The following PCDH11Y variants were observed in gnomAD, a reference collection of about 807,000 sequenced individuals.
PCDH11Y encodes protocadherin-11 Y-linked.
For synonymous variants in PCDH11Y, 9 were observed against 83.6 expected (o/e 0.11, Z 4.87); for missense variants, 12 against 224.8 (o/e 0.05, Z 6.05).
chrY:5,238,672 C>T (rs2052982696), intron 2 of PCDH11Y, among the ~76,000 whole-genome samples: 1 of 32,414 alleles, frequency 3.1e-5, no homozygotes, highest in Non-Finnish European at 7.5e-5. Context: ...GCAATCTACT[C>T]ATCTGACAAA....
chrY:5,460,848 G>A (rs2053302493), intron 2 of PCDH11Y, among the ~76,000 whole-genome samples: 1 of 32,851 alleles, frequency 3.0e-5, no homozygotes, highest in African/African-American at 1.2e-4. Flanking sequence ...CTAGTCAAAC[G>A]GGCCTATCCT....
At chrY:5,538,023 A>C (rs1177749473) in intron 3 of PCDH11Y, among the ~76,000 whole-genome samples, 1 of 33,567 alleles carries the variant, frequency 3.0e-5, no homozygotes, top group Non-Finnish European at 7.4e-5. Context: ...GTTTATGAGC[A>C]CAGAGGAGGT....
intron 2 of PCDH11Y, among the ~76,000 whole-genome samples, chrY:5,343,455 G>T (rs1437775193): frequency 3.2e-5 from 1 of 31,001 alleles, no homozygotes; most frequent in Non-Finnish European, 7.8e-5. Flanking sequence ...GGGTTTCACC[G>T]TGTTATCCAG....
At chrY:5,688,952 C>A in intron 4 of PCDH11Y, among the ~76,000 whole-genome samples, 1 of 31,579 alleles carries the variant, frequency 3.2e-5, no homozygotes, top group African/African-American at 1.3e-4. Context: ...GTAATCCCAG[C>A]ACTTGGGGAG....
intron 3 of PCDH11Y, among the ~76,000 whole-genome samples, chrY:5,035,353 G>T (rs2124622149): frequency 3.5e-5 from 1 of 28,668 alleles, no homozygotes; most frequent in South Asian, 8.1e-4. Context: ...AAATTATGAA[G>T]GTGCAATGTT....
chrY:5,078,208 T>C, intron 1 of PCDH11Y, among the ~76,000 whole-genome samples: 2 of 33,197 alleles, frequency 6.0e-5, no homozygotes, highest in South Asian at 1.4e-3. Context: ...TCATTTCTTT[T>C]TGTGGCTGCA....
exon 2 of PCDH11Y, chrY:5,099,650 T>C: frequency 2.5e-6 from 1 of 393,451 alleles, no homozygotes; most frequent in African/African-American, 6.7e-5. Flanking sequence ...AGTGCCAAAG[T>C]AACCATAAAT....
At chrY:5,085,999 AC>A (rs2052729678) in intron 1 of PCDH11Y, among the ~76,000 whole-genome samples, 1 of 22,173 alleles carries the variant, frequency 4.5e-5, no homozygotes, top group Non-Finnish European at 1.0e-4. Flanking sequence ...AAAACTTTCT[AC>A]CCCTATCTCT....
chrY:5,072,462 T>C, intron 1 of PCDH11Y, among the ~76,000 whole-genome samples: 1 of 31,090 alleles, frequency 3.2e-5, no homozygotes, highest in Non-Finnish European at 7.8e-5. Flanking sequence ...GATTACAAAG[T>C]AGTGATAATT....
chrY:5,651,163 C>CAAAGGG (rs2053531177), intron 4 of PCDH11Y, among the ~76,000 whole-genome samples: 1 of 32,556 alleles, frequency 3.1e-5, no homozygotes, highest in Non-Finnish European at 7.6e-5. Flanking sequence ...AACACAGAGC[C>CAAAGGG]ACCTCAATAC....
At chrY:5,685,488 T>G in intron 4 of PCDH11Y, among the ~76,000 whole-genome samples, 1 of 30,525 alleles carries the variant, frequency 3.3e-5, no homozygotes, top group African/African-American at 1.3e-4. Context: ...GATGATCAAG[T>G]GAAATACATT....
At chrY:5,062,576 T>C in intron 1 of PCDH11Y, among the ~76,000 whole-genome samples, 1 of 33,257 alleles carries the variant, frequency 3.0e-5, no homozygotes, top group Admixed American at 2.8e-4. Context: ...TAAATGAATC[T>C]TTATTAATGC....
intron 2 of PCDH11Y, among the ~76,000 whole-genome samples, chrY:5,224,493 C>T (rs2124652918): frequency 3.2e-5 from 1 of 31,338 alleles, no homozygotes; most frequent in South Asian, 7.4e-4. Context: ...GGAAATATAA[C>T]ATTGGCTTTC....
intron 2 of PCDH11Y, among the ~76,000 whole-genome samples, chrY:5,208,810 A>G (rs2052935205): frequency 3.0e-5 from 1 of 33,245 alleles, no homozygotes; most frequent in South Asian, 6.7e-4. Context: ...TTTTTAATAA[A>G]TATTCTGCTA....
intron 1 of PCDH11Y, among the ~76,000 whole-genome samples, chrY:5,013,221 A>C: frequency 3.0e-5 from 1 of 33,570 alleles, no homozygotes; most frequent in Non-Finnish European, 7.4e-5. Context: ...ATACATGCCA[A>C]AAATCAGACT....
chrY:5,287,061 AG>A (rs2053061124), intron 2 of PCDH11Y, among the ~76,000 whole-genome samples: 1 of 33,137 alleles, frequency 3.0e-5, no homozygotes, highest in Non-Finnish European at 7.4e-5. Flanking sequence ...TACTATTTTG[AG>A]GTATGCTCCT....
At chrY:5,069,772 T>C in intron 1 of PCDH11Y, among the ~76,000 whole-genome samples, 1 of 32,367 alleles carries the variant, frequency 3.1e-5, no homozygotes, top group Non-Finnish European at 7.5e-5. Context: ...GCACATTCTT[T>C]ATGACTTTAT....
At chrY:5,350,596 C>A in intron 2 of PCDH11Y, among the ~76,000 whole-genome samples, 1 of 32,091 alleles carries the variant, frequency 3.1e-5, no homozygotes, top group Non-Finnish European at 7.5e-5. Context: ...ATCCCAGCTA[C>A]TCGGGAGGCT....
At chrY:5,334,543 A>G in intron 2 of PCDH11Y, among the ~76,000 whole-genome samples, 2 of 34,149 alleles carry the variant, frequency 5.9e-5, no homozygotes, top group Non-Finnish European at 1.5e-4. Flanking sequence ...AATTTTTCTC[A>G]GCAGTTAATC....
Sources: allele counts gnomAD v4.1 joint callset (sites outside exome capture counted in the v4.1 genomes callset), GRCh38; gene constraint gnomAD v4.1.1; transcripts MANE v1.5; gene names NCBI Gene and HGNC (gene_info 2026-07-23, HGNC 2026-07-21).